Variants in SLC8A3 observed in about 807,000 individuals in gnomAD.
SLC8A3 encodes the protein sodium/calcium exchanger 3.
SLC8A3 carries 37 observed loss-of-function variants against 65.4 expected under a neutral mutation model. The ratio of observed to expected loss-of-function variants is 0.57; its 90% CI spans 0.44 to 0.74. The LOEUF is 0.74. SLC8A3 is among the 30% of genes least tolerant of loss of function. SLC8A3 has a pLI of 0.00. For synonymous variants in SLC8A3, 461 were observed against 444.5 expected (o/e 1.04, Z -0.47); for missense variants, 1,112 against 1,172.1 (o/e 0.95, Z 0.75).
chr14:70,127,923 A>G lies in SLC8A3; in HGVS notation c.1784+38716T>C, dbSNP rs1000771217. Among the ~76,000 whole-genome samples the G allele has an allele frequency of 4.6e-5, 7 of 152,254 alleles. No individual in the cohort carries two copies. The East Asian group carries it at 1.2e-3, about 25-fold the overall frequency. Reference sequence around the variant, plus strand: ...ATATCACCTCCATTCTGTTTACCTTATAAACTGTGTCCCTCATTCTGATCC... The same window carrying G: ...ATATCACCTCCATTCTGTTTACCTTGTAAACTGTGTCCCTCATTCTGATCC... On this transcript the variant is annotated intron_variant, in intron 2 of 6. Coordinates refer to ENST00000356921, the MANE Select transcript of SLC8A3 (RefSeq NM_182932.3).
At chr14:70,054,426 A>G (rs984249166) in intron 3 of SLC8A3, among the ~76,000 whole-genome samples, 8 of 152,106 alleles carry the variant, frequency 5.3e-5, no homozygotes, top group African/African-American at 1.9e-4. Flanking sequence ...CCTTTTTCCC[A>G]TTTTAGCTTC....
In SLC8A3 at chr14:70,169,675, T is replaced by TAAA. The variant is rs35915562; in HGVS notation, c.-62-1194_-62-1192dup. Among the ~76,000 whole-genome samples the TAAA allele has an allele frequency of 4.2e-5, 4 of 94,776 alleles. No individual in the cohort carries two copies. In the East Asian group the frequency reaches 1.0e-3, roughly 24 times the overall value. 62.2% of individuals were successfully genotyped at this position (94,776 alleles called of 152,430 possible). A position where few individuals can be genotyped will look rare whatever the true frequency, so the allele number is the denominator to read the frequency against. On this transcript the variant is annotated intron_variant, in intron 1 of 6. Coordinates refer to ENST00000356921, the MANE Select transcript of SLC8A3 (RefSeq NM_182932.3). The stretch of plus-strand genomic sequence containing the variant: ...GAGAATGAAAATACCATGGAATAGC[T>TAAA]AAAAAAAAAAAAAAGTGGGGGGGGG...
intron 2 of SLC8A3, among the ~76,000 whole-genome samples, chr14:70,097,464 C>T (rs12878844): frequency 2.0e-5 from 3 of 152,138 alleles, no homozygotes; most frequent in Non-Finnish European, 2.9e-5. Context: ...TTCTCAAATC[C>T]GGTTGTCTGG....
chr14:70,186,170 G>A (rs889781614), intron 1 of SLC8A3, among the ~76,000 whole-genome samples: 5 of 151,328 alleles, frequency 3.3e-5, no homozygotes, highest in Admixed American at 1.3e-4. Flanking sequence ...TTTGTAAGGG[G>A]CTTTTCCCCC....
intron 2 of SLC8A3, among the ~76,000 whole-genome samples, chr14:70,080,679 A>C (rs1044913374): frequency 6.6e-6 from 1 of 152,220 alleles, no homozygotes; most frequent in African/African-American, 2.4e-5. Flanking sequence ...CAGGATTGTC[A>C]TGGATTCTAT....
intron 3 of SLC8A3, among the ~76,000 whole-genome samples, chr14:70,057,442 G>T (rs551397212): frequency 6.6e-6 from 1 of 152,248 alleles, no homozygotes; most frequent in Admixed American, 6.5e-5. Context: ...ACACAGGTGG[G>T]TCAGACAAAG....
At chr14:70,188,054 C>G (rs1883482100) in intron 1 of SLC8A3, among the ~76,000 whole-genome samples, 1 of 152,142 alleles carries the variant, frequency 6.6e-6, no homozygotes. Context: ...CCAGCATGCT[C>G]ACGATCCAAC....
At chr14:70,174,031 G>A (rs972484102) in intron 1 of SLC8A3, among the ~76,000 whole-genome samples, 6 of 152,200 alleles carry the variant, frequency 3.9e-5, no homozygotes, top group Admixed American at 1.3e-4. Context: ...TTTAGAGATG[G>A]CAAATTGGAA....
chr14:70,115,921 G>A (rs754491782), intron 2 of SLC8A3, among the ~76,000 whole-genome samples: 33 of 152,184 alleles, frequency 2.2e-4, no homozygotes, highest in Non-Finnish European at 4.6e-4. Context: ...GGGAAGAAGC[G>A]GAGGTCCTAT....
At chr14:70,136,274 C>T (rs1057506320) in intron 2 of SLC8A3, among the ~76,000 whole-genome samples, 7 of 152,282 alleles carry the variant, frequency 4.6e-5, no homozygotes, top group African/African-American at 1.7e-4. Flanking sequence ...TTGGAGGGAG[C>T]GCAGCCCTGC....
intron 1 of SLC8A3, among the ~76,000 whole-genome samples, chr14:70,185,209 C>T (rs148845061): frequency 2.0e-5 from 3 of 152,226 alleles, no homozygotes; most frequent in South Asian, 4.2e-4. Flanking sequence ...TCAGGTGATC[C>T]GCCTGCCTCG....
chr14:70,065,619 T>A (rs10147004), intron 2 of SLC8A3, among the ~76,000 whole-genome samples: 9,009 of 152,282 alleles, frequency 0.059, 294 homozygotes, highest in African/African-American at 0.069. Flanking sequence ...ACCTACTTTG[T>A]GATGTTCTTA....
intron 1 of SLC8A3, among the ~76,000 whole-genome samples, chr14:70,182,346 T>A (rs66672884): frequency 1.3e-5 from 2 of 151,980 alleles, no homozygotes; most frequent in African/African-American, 4.8e-5. Flanking sequence ...CTCTGGGAAC[T>A]ATCCACACTG....
At chr14:70,070,290 G>T (rs776894613) in intron 2 of SLC8A3, among the ~76,000 whole-genome samples, 1 of 152,172 alleles carries the variant, frequency 6.6e-6, no homozygotes, top group Non-Finnish European at 1.5e-5. Flanking sequence ...TAACCTGTTA[G>T]ATAGGTAGAG....
intron 2 of SLC8A3, among the ~76,000 whole-genome samples, chr14:70,160,806 G>C (rs1205861996): frequency 6.6e-6 from 1 of 150,974 alleles, no homozygotes; most frequent in Non-Finnish European, 1.5e-5. Flanking sequence ...GTGTTTTATG[G>C]ATCCTGGAGT....
At chr14:70,055,739 CA>C in intron 3 of SLC8A3, 1 of 1,522,494 alleles carries the variant, frequency 6.6e-7, no homozygotes, top group East Asian at 2.3e-5. Context: ...GGTCTTAAAC[CA>C]AATAATGGCA....
At chr14:70,133,428 A>G (rs1286945784) in intron 2 of SLC8A3, among the ~76,000 whole-genome samples, 1 of 152,186 alleles carries the variant, frequency 6.6e-6, no homozygotes, top group Non-Finnish European at 1.5e-5. Flanking sequence ...AAGAGGCCTA[A>G]GGACCCCTTC....
At chr14:70,051,882 G>T in intron 4 of SLC8A3, 108 bp downstream of exon 4, 3 of 907,536 alleles carry the variant, frequency 3.3e-6, no homozygotes, top group Non-Finnish European at 5.1e-6. Flanking sequence ...GATTTGTTCA[G>T]TTTCAACTTC....
intron 2 of SLC8A3, among the ~76,000 whole-genome samples, chr14:70,087,926 C>T (rs1891548859): frequency 6.6e-6 from 1 of 152,126 alleles, no homozygotes; most frequent in African/African-American, 2.4e-5. Flanking sequence ...GATTCTCTGT[C>T]CACCAAGAGA....
Sources: allele counts gnomAD v4.1 joint callset (sites outside exome capture counted in the v4.1 genomes callset), GRCh38; gene constraint gnomAD v4.1.1; transcripts MANE v1.5; gene names NCBI Gene and HGNC (gene_info 2026-07-23, HGNC 2026-07-21).